The following ANO2 variants were observed in gnomAD, a reference collection of about 807,000 sequenced individuals.
The protein encoded by ANO2 is anoctamin 2.
Under a neutral mutation model 124.2 loss-of-function variants are expected in ANO2, and 101 were observed. The observed-to-expected ratio is 0.81, with a 90% confidence interval of 0.69 to 0.96. The LOEUF (loss-of-function observed/expected upper bound fraction) is 0.96. Ranked by LOEUF, ANO2 falls within the 40% of genes least tolerant of loss-of-function variation. The probability of loss-of-function intolerance (pLI) is 0.00; values close to 1 mark genes in which losing one functional copy is unlikely to be tolerated. For missense variants in ANO2, 1,293 were observed against 1,274.5 expected, an observed-to-expected ratio of 1.01 and a Z score of -0.22; for synonymous variants, 486 against 482.5, an observed-to-expected ratio of 1.01 and a Z score of -0.09.
chr12:5,937,280 T>C (rs1942689133), intron 1 of ANO2, among the ~76,000 whole-genome samples: 1 of 152,204 alleles, frequency 6.6e-6, no homozygotes, highest in Non-Finnish European at 1.5e-5. Context: ...TATCTCACTG[T>C]AGTTTTGATT....
At chr12:5,757,153 TG>T (rs1951606321) in intron 10 of ANO2, among the ~76,000 whole-genome samples, 2 of 152,248 alleles carry the variant, frequency 1.3e-5, no homozygotes, top group Non-Finnish European at 1.5e-5. Flanking sequence ...AGGTCTATTT[TG>T]TATATAGATG....
chr12:5,843,340 A>C (rs1341759208), intron 4 of ANO2, among the ~76,000 whole-genome samples: 1 of 152,140 alleles, frequency 6.6e-6, no homozygotes, highest in Non-Finnish European at 1.5e-5. Context: ...ACTTGCGGTC[A>C]GGAGTTTGAG....
At chr12:5,877,090 A>G (rs548381896) in intron 3 of ANO2, among the ~76,000 whole-genome samples, 147 of 152,330 alleles carry the variant, frequency 9.7e-4, no homozygotes, top group Non-Finnish European at 1.4e-3. Context: ...ATTCATGTCC[A>G]TGCAGAACCT....
intron 14 of ANO2, among the ~76,000 whole-genome samples, chr12:5,726,128 T>C (rs1950429027): frequency 6.7e-6 from 1 of 150,326 alleles, no homozygotes; most frequent in African/African-American, 2.5e-5. Flanking sequence ...AGATTCAAAC[T>C]GATTTAGGAA....
chr12:5,681,821 C>T (rs902219046), intron 14 of ANO2, among the ~76,000 whole-genome samples: 1 of 152,006 alleles, frequency 6.6e-6, no homozygotes, highest in African/African-American at 2.4e-5. Flanking sequence ...TCTCTCATTA[C>T]CCTATTTGAC....
chr12:5,642,706 T>C (rs570471715), intron 15 of ANO2, among the ~76,000 whole-genome samples: 46 of 152,232 alleles, frequency 3.0e-4, no homozygotes, highest in African/African-American at 5.1e-4. Context: ...TCATCTCACA[T>C]AGAATTAGCC....
chr12:5,707,048 C>A (rs892429398), intron 14 of ANO2, among the ~76,000 whole-genome samples: 2 of 152,174 alleles, frequency 1.3e-5, no homozygotes, highest in Admixed American at 1.3e-4. Flanking sequence ...TCTGTGTCCC[C>A]ACCCAAATCT....
At chr12:5,660,307 C>T (rs890271160) in intron 14 of ANO2, among the ~76,000 whole-genome samples, 36 of 151,478 alleles carry the variant, frequency 2.4e-4, no homozygotes, top group African/African-American at 8.8e-4. Context: ...CATCTAAACC[C>T]TGTGCTGTGG....
chr12:5,771,126 C>T (rs576007403), intron 10 of ANO2, among the ~76,000 whole-genome samples: 149 of 152,340 alleles, frequency 9.8e-4, no homozygotes, highest in African/African-American at 3.4e-3. Flanking sequence ...GCCCTGTTCA[C>T]TGTTGTATTC....
intron 14 of ANO2, among the ~76,000 whole-genome samples, chr12:5,726,136 GAA>G (rs552076169): frequency 1.4e-5 from 2 of 138,500 alleles, no homozygotes; most frequent in African/African-American, 5.3e-5. Context: ...ACTGATTTAG[GAA>G]AAAAAAAAAA....
intron 14 of ANO2, among the ~76,000 whole-genome samples, chr12:5,725,104 C>T (rs1339086832): frequency 6.9e-6 from 1 of 144,884 alleles, no homozygotes; most frequent in East Asian, 2.0e-4. Context: ...CTCTCACACA[C>T]ACACACACAC....
intron 7 of ANO2, among the ~76,000 whole-genome samples, chr12:5,817,780 T>G (rs563972725): frequency 6.6e-6 from 1 of 152,314 alleles, no homozygotes; most frequent in South Asian, 2.1e-4. Flanking sequence ...CAACTGGAAA[T>G]GCAGGGCTGC....
At chr12:5,719,577 G>A (rs1950145611) in intron 14 of ANO2, among the ~76,000 whole-genome samples, 1 of 152,194 alleles carries the variant, frequency 6.6e-6, no homozygotes, top group Admixed American at 6.5e-5. Context: ...TCTGCCATGT[G>A]AGAATGCAGC....
chr12:5,764,442 A>C (rs1468371996), intron 10 of ANO2, among the ~76,000 whole-genome samples: 2 of 152,216 alleles, frequency 1.3e-5, no homozygotes, highest in African/African-American at 4.8e-5. Flanking sequence ...AGATGAGGAA[A>C]CTGATGTACA....
chr12:5,780,406 A>C (rs1326658101), intron 10 of ANO2, among the ~76,000 whole-genome samples: 1 of 152,220 alleles, frequency 6.6e-6, no homozygotes, highest in African/African-American at 2.4e-5. Flanking sequence ...TAAAAAAACA[A>C]ATAAAAACAG....
Position 5,730,670 on chromosome 12 carries a change from G to T in ANO2, c.1545+1850C>A, listed in dbSNP as rs1950597514. 3.3e-5 allele frequency among the ~76,000 whole-genome samples: 5 copies of T among 152,184 alleles called. 1 individual carries two copies. In the South Asian group the frequency reaches 1.0e-3, roughly 32 times the overall value. ...GTGGGTATTGACTACAACTCTTCCT[G>T]CAGACAAGAGCAGCATCCACCTTTA... On this transcript the variant is annotated intron_variant, in intron 14 of 24. Transcript: ENST00000682330.
chr12:5,827,721 G>A (rs771438387), intron 7 of ANO2, 48 bp downstream of exon 7: 6 of 1,582,322 alleles, frequency 3.8e-6, no homozygotes, highest in Non-Finnish European at 5.2e-6. Context: ...CGGGGCGGGA[G>A]CCGCCTCAGC....
chr12:5,685,828 G>A (rs1464833299), intron 14 of ANO2, among the ~76,000 whole-genome samples: 3 of 152,058 alleles, frequency 2.0e-5, no homozygotes, highest in East Asian at 1.9e-4. Context: ...AAACCGGGAC[G>A]ACTGCCTGTC....
In ANO2 at chr12:5,714,012, G is replaced by A. The variant is rs188620738; in HGVS notation, c.1545+18508C>T. On this transcript the variant is annotated intron_variant, in intron 14 of 24. Transcript: ENST00000682330. ...ACTGGAAGAAACAAAATCCAGTATCGGGATCTGGCCCAAAGCCTGTGACTC... is the reference window on the plus strand; with the variant it reads ...ACTGGAAGAAACAAAATCCAGTATCAGGATCTGGCCCAAAGCCTGTGACTC... Among the ~76,000 whole-genome samples the A allele has an allele frequency of 2.9e-4, 44 of 152,290 alleles. 1 individual carries two copies. Among genetic ancestry groups the A allele is most frequent in the African/African-American group, 7.0e-4 (29 of 41,576 alleles).
Sources: gnomAD v4.1 joint callset for allele counts (sites outside exome capture counted in the v4.1 genomes callset) on GRCh38, gnomAD v4.1.1 for gene constraint, MANE v1.5 for transcripts, NCBI Gene and HGNC (gene_info 2026-07-23, HGNC 2026-07-21) for gene names.